TUNAR: variants seen among roughly 807,000 people sequenced by gnomAD.
The protein encoded by TUNAR is transmembrane neural differentiation associated intracellular calcium regulator, also known as protein TUNAR.
chr14:95,880,601 C>G (rs1888965101), intron 2 of TUNAR, among the ~76,000 whole-genome samples: 2 of 152,196 alleles, frequency 1.3e-5, no homozygotes, highest in African/African-American at 4.8e-5. Flanking sequence ...GATTCCGCCT[C>G]AATCTCAGGC....
rs973343371 is a variant in TUNAR, at chr14:95,903,823, C to T, written c.13-18958C>T. Among the ~76,000 whole-genome samples, 18 of 152,312 alleles carry T rather than the reference C, an allele frequency of 1.2e-4. 1 individual carries two copies. In the East Asian group the frequency reaches 2.3e-3, roughly 20 times the overall value. Reference sequence around the variant, plus strand: ...GGGCTGGCAGCTGGGCTGGGCTGGCCGGCACAGCCAGGGCTGTAGGGCTTC... The same window carrying T: ...GGGCTGGCAGCTGGGCTGGGCTGGCTGGCACAGCCAGGGCTGTAGGGCTTC... On this transcript the variant is annotated intron_variant, in intron 2 of 2. Coordinates refer to ENST00000678517, the Ensembl canonical transcript of TUNAR.
At chr14:95,916,643 T>G (rs1357179566) in intron 2 of TUNAR, among the ~76,000 whole-genome samples, 2 of 152,174 alleles carry the variant, frequency 1.3e-5, no homozygotes, top group Non-Finnish European at 2.9e-5. Flanking sequence ...TATCTCAAGG[T>G]GGCATGGCTG....
intron 2 of TUNAR, among the ~76,000 whole-genome samples, chr14:95,921,411 C>A (rs1889695426): frequency 6.6e-6 from 1 of 152,200 alleles, no homozygotes; most frequent in Non-Finnish European, 1.5e-5. Flanking sequence ...GCTGCCACCA[C>A]CACACACACT....
At chr14:95,911,788 C>A (rs538488977) in intron 2 of TUNAR, among the ~76,000 whole-genome samples, 2 of 152,310 alleles carry the variant, frequency 1.3e-5, no homozygotes, top group African/African-American at 4.8e-5. Context: ...TGTCTGGTAC[C>A]TTTTAGCACA....
At chr14:95,912,994 T>G (rs948195489) in intron 2 of TUNAR, among the ~76,000 whole-genome samples, 5 of 151,982 alleles carry the variant, frequency 3.3e-5, no homozygotes, top group African/African-American at 1.2e-4. Context: ...GGTTTCACCC[T>G]GTTAGCCAGG....
intron 2 of TUNAR, among the ~76,000 whole-genome samples, chr14:95,889,977 A>G (rs1450374871): frequency 6.6e-6 from 1 of 151,420 alleles, no homozygotes; most frequent in Admixed American, 6.6e-5. Flanking sequence ...AAAAAAAAAA[A>G]CTGACAAATG....
chr14:95,892,710 G>T (rs1347850296), intron 2 of TUNAR, among the ~76,000 whole-genome samples: 1 of 152,212 alleles, frequency 6.6e-6, no homozygotes, highest in Non-Finnish European at 1.5e-5. Context: ...GTCCCACATT[G>T]CTGTGACCCT....
intron 2 of TUNAR, among the ~76,000 whole-genome samples, chr14:95,906,115 T>G (rs1017921659): frequency 6.6e-6 from 1 of 152,186 alleles, no homozygotes; most frequent in Non-Finnish European, 1.5e-5. Flanking sequence ...GTATGTTCCC[T>G]TCCTCAACTC....
chr14:95,905,676 C>G (rs1889418794), intron 2 of TUNAR, among the ~76,000 whole-genome samples: 1 of 152,162 alleles, frequency 6.6e-6, no homozygotes, highest in Non-Finnish European at 1.5e-5. Flanking sequence ...GGAGGAAATA[C>G]TTTGAGACCA....
intron 2 of TUNAR, among the ~76,000 whole-genome samples, chr14:95,912,619 C>G (rs1340720965): frequency 6.6e-6 from 1 of 152,156 alleles, no homozygotes; most frequent in Admixed American, 6.5e-5. Flanking sequence ...AGATCTAACA[C>G]TAGCTTATCC....
intron 2 of TUNAR, among the ~76,000 whole-genome samples, chr14:95,906,533 A>C (rs1309440478): frequency 6.6e-6 from 1 of 152,246 alleles, no homozygotes; most frequent in African/African-American, 2.4e-5. Context: ...CATGAGAAGC[A>C]CATTTACCCA....
intron 2 of TUNAR, among the ~76,000 whole-genome samples, chr14:95,888,997 G>A (rs2369319): frequency 0.14 from 21,387 of 152,166 alleles, 1,779 homozygotes; most frequent in East Asian, 0.24. Context: ...TACGGGCCCC[G>A]TGAAACGGGA....
At chr14:95,894,845 A>G (rs1212523265) in intron 2 of TUNAR, among the ~76,000 whole-genome samples, 3 of 149,956 alleles carry the variant, frequency 2.0e-5, no homozygotes, top group African/African-American at 7.4e-5. Flanking sequence ...ATGCGGTTGC[A>G]GTGAAGGAGA....
At chr14:95,905,040 A>G (rs1288788939) in intron 2 of TUNAR, among the ~76,000 whole-genome samples, 2 of 152,228 alleles carry the variant, frequency 1.3e-5, no homozygotes, top group African/African-American at 2.4e-5. Context: ...TACTAGAGCA[A>G]TCCTTAAGTG....
chr14:95,924,360 A>C (rs1343592394), exon 3 of TUNAR: 2 of 152,302 alleles, frequency 1.3e-5, no homozygotes, highest in Non-Finnish European at 2.9e-5. Context: ...CCTCTCTGGC[A>C]GGGATGGTTG....
At chr14:95,900,176 G>A (rs1270471020) in intron 2 of TUNAR, among the ~76,000 whole-genome samples, 2 of 152,332 alleles carry the variant, frequency 1.3e-5, no homozygotes, top group East Asian at 1.9e-4. Flanking sequence ...AATACAAGAG[G>A]TGAGAAGGGT....
chr14:95,887,307 A>C (rs539451007), intron 2 of TUNAR, among the ~76,000 whole-genome samples: 2 of 152,146 alleles, frequency 1.3e-5, no homozygotes, highest in East Asian at 3.9e-4. Context: ...CCTGGAAGTC[A>C]CTCCTGGCCT....
intron 2 of TUNAR, among the ~76,000 whole-genome samples, chr14:95,893,343 T>G (rs1256637787): frequency 6.6e-6 from 1 of 152,162 alleles, no homozygotes; most frequent in Non-Finnish European, 1.5e-5. Flanking sequence ...GCAACCTGAC[T>G]GGGCAGTGCT....
intron 2 of TUNAR, 78 bp downstream of exon 1, chr14:95,877,255 C>T (rs939573514): frequency 2.6e-5 from 4 of 152,402 alleles, no homozygotes; most frequent in Non-Finnish European, 5.9e-5. Context: ...CTGTCCTACC[C>T]TCCTTCCCCA....
Sources: allele counts gnomAD v4.1 joint callset (sites outside exome capture counted in the v4.1 genomes callset), GRCh38; gene constraint gnomAD v4.1.1; transcripts MANE v1.5; gene names NCBI Gene and HGNC (gene_info 2026-07-23, HGNC 2026-07-21).